The following STRN variants were observed in gnomAD, a reference collection of about 807,000 sequenced individuals.
STRN encodes protein phosphatase 2 regulatory subunit B'''alpha.
In STRN, 53 loss-of-function variants were observed where a neutral mutation model predicts 96.3. The observed-to-expected ratio is 0.55, with a 90% CI of 0.44 to 0.69. The LOEUF (loss-of-function observed/expected upper bound fraction) is 0.69, where lower values mean the gene tolerates loss of function less well. Ranked by LOEUF, STRN falls within the 30% of genes least tolerant of loss-of-function variation. STRN has a pLI of 0.00. For missense variants in STRN, 987 were observed against 963.9 expected (o/e 1.02, Z -0.32); for synonymous variants, 428 against 355.9 (o/e 1.20, Z -2.28).
Position 36,839,083 on chromosome 2 carries a change from G to T in STRN, c.*10373C>A, listed in dbSNP as rs1667886010. On this transcript the variant is annotated 3_prime_UTR_variant, in exon 18 of 18. Coordinates refer to ENST00000263918, the MANE Select transcript of STRN (RefSeq NM_003162.4). ...GTATACACATTTGTATGAATAATTAGAAAGATACATATCAGGGAGGTAGGA... is the reference window on the plus strand; with the variant it reads ...GTATACACATTTGTATGAATAATTATAAAGATACATATCAGGGAGGTAGGA... 6.6e-6 allele frequency among the ~76,000 whole-genome samples: 1 copy of T among 152,172 alleles called. No homozygotes were observed. Among genetic ancestry groups the T allele is most frequent in the African/African-American group, 2.4e-5 (1 of 41,442 alleles).
At chr2:36,875,252 G>A (rs973924612) in intron 10 of STRN, among the ~76,000 whole-genome samples, 1 of 152,126 alleles carries the variant, frequency 6.6e-6, no homozygotes, top group Admixed American at 6.6e-5. Flanking sequence ...GCTCATGCCT[G>A]TAATCCCAGC....
intron 3 of STRN, among the ~76,000 whole-genome samples, chr2:36,913,323 T>C (rs1416112940): frequency 6.6e-6 from 1 of 152,192 alleles, no homozygotes; most frequent in East Asian, 1.9e-4. Context: ...TCTGGAAACA[T>C]TCCTTCCCTC....
At chr2:36,947,489 C>T (rs891541930) in intron 1 of STRN, among the ~76,000 whole-genome samples, 7 of 150,484 alleles carry the variant, frequency 4.7e-5, no homozygotes, top group Admixed American at 6.6e-5. Flanking sequence ...CAAATTCCTA[C>T]CTTTATTACA....
At chr2:36,947,623 G>T (rs975115635) in intron 1 of STRN, among the ~76,000 whole-genome samples, 21 of 149,366 alleles carry the variant, frequency 1.4e-4, no homozygotes, top group African/African-American at 4.9e-4. Context: ...ATTCAATGTA[G>T]AACTGTGTTC....
At chr2:36,883,190 C>CA (rs1376117160) in intron 9 of STRN, among the ~76,000 whole-genome samples, 1 of 152,182 alleles carries the variant, frequency 6.6e-6, no homozygotes, top group African/African-American at 2.4e-5. Flanking sequence ...CATGGTGGCT[C>CA]ATGCCTGTAA....
intron 1 of STRN, among the ~76,000 whole-genome samples, chr2:36,947,487 T>C (rs1664608342): frequency 6.6e-6 from 1 of 150,728 alleles, no homozygotes; most frequent in South Asian, 2.1e-4. Flanking sequence ...TACAAATTCC[T>C]ACCTTTATTA....
chr2:36,841,028 G>C lies in STRN; in HGVS notation c.*8428C>G, dbSNP rs1025452651. The C allele has an allele frequency of 7.2e-5, 11 of 152,112 alleles. No individual in the cohort carries two copies. The highest frequency in any genetic ancestry group is 6.2e-4 in the South Asian group (3 of 4,828). The allele number at this position is 152,112 out of a possible 1,614,324, so 9.4% of individuals were successfully genotyped here. A position where few individuals can be genotyped will look rare whatever the true frequency, so the allele number is the denominator to read the frequency against. ...CACCTCAAGGGCACAAAATTGCCTG[G>C]AACTACAACCTTCAAGTTCAAAATT... On this transcript the variant is annotated 3_prime_UTR_variant, in exon 18 of 18. Coordinates refer to ENST00000263918, the MANE Select transcript of STRN (RefSeq NM_003162.4).
At chr2:36,856,198 T>C (rs909450358) in intron 14 of STRN, among the ~76,000 whole-genome samples, 1 of 152,266 alleles carries the variant, frequency 6.6e-6, no homozygotes, top group Non-Finnish European at 1.5e-5. Flanking sequence ...GCAACTGGAA[T>C]GCTCATACAC....
chr2:36,862,011 G>A (rs1046087948), intron 12 of STRN, among the ~76,000 whole-genome samples: 1 of 152,226 alleles, frequency 6.6e-6, no homozygotes, highest in South Asian at 2.1e-4. Context: ...ACTTATAAGT[G>A]AGAACATGCA....
chr2:36,912,992 T>C (rs1403819785), intron 3 of STRN, among the ~76,000 whole-genome samples: 3 of 152,210 alleles, frequency 2.0e-5, no homozygotes, highest in African/African-American at 4.8e-5. Context: ...CAGCATAAAA[T>C]CAAATTTATG....
chr2:36,925,233 A>C (rs759194354), intron 1 of STRN, 25 bp from the exon 2 acceptor site: 6 of 1,591,410 alleles, frequency 3.8e-6, no homozygotes, highest in Non-Finnish European at 5.2e-6. Flanking sequence ...GACAGAAAAA[A>C]TTCAGTTTAG....
rs1668213511 is a variant in STRN, at chr2:36,851,218, C to T, written c.1979-111G>A. 3 of 867,884 alleles carry T rather than the reference C, an allele frequency of 3.5e-6. No individual in the cohort carries two copies. The Admixed American group carries it at 7.6e-5, about 22-fold the overall frequency. The allele number at this position is 867,884 out of a possible 1,614,324, so 53.8% of individuals were successfully genotyped here. On this transcript the variant is annotated intron_variant, in intron 15 of 17. Coordinates refer to ENST00000263918, the MANE Select transcript of STRN (RefSeq NM_003162.4). ...TGAAAAAGTAGGCCGGCCGCGGTGG[C>T]TCACGCCTGTAATCCAAGCACGTTG...
intron 1 of STRN, among the ~76,000 whole-genome samples, chr2:36,963,767 G>A (rs1665085926): frequency 6.6e-6 from 1 of 151,998 alleles, no homozygotes; most frequent in South Asian, 2.1e-4. Context: ...GACCAACCTG[G>A]CCAACATTGT....
At chr2:36,872,260 C>A (rs1668780622) in intron 10 of STRN, among the ~76,000 whole-genome samples, 1 of 152,358 alleles carries the variant, frequency 6.6e-6, no homozygotes, top group Middle Eastern at 3.4e-3. Context: ...TGCACTCACA[C>A]TGGGGGGAGC....
In STRN at chr2:36,843,685, C is replaced by T. The variant is rs181224351; in HGVS notation, c.*5771G>A. On this transcript the variant is annotated 3_prime_UTR_variant, in exon 18 of 18. Transcript: ENST00000263918. ...TATTTCTCTGCACCCCTCTACAACTCCTCCCCCAAAAGCCCCAAATCAGAC... is the reference window on the plus strand; with the variant it reads ...TATTTCTCTGCACCCCTCTACAACTTCTCCCCCAAAAGCCCCAAATCAGAC... The T allele has an allele frequency of 6.6e-6, 1 of 152,192 alleles. No homozygotes were observed. The highest frequency in any genetic ancestry group is 6.6e-5 in the Admixed American group (1 of 15,262). The allele number at this position is 152,192 out of a possible 1,614,324, so 9.4% of individuals were successfully genotyped here.
intron 2 of STRN, among the ~76,000 whole-genome samples, chr2:36,920,040 A>C (rs1476716120): frequency 2.0e-5 from 3 of 151,778 alleles, no homozygotes; most frequent in Middle Eastern, 3.2e-3. Context: ...TGCAAAGAAA[A>C]TCATGTAAAA....
At chr2:36,936,391 A>G (rs2148246847) in intron 1 of STRN, among the ~76,000 whole-genome samples, 1 of 152,370 alleles carries the variant, frequency 6.6e-6, no homozygotes, top group East Asian at 1.9e-4. Context: ...TAAATGGTGC[A>G]TAATTTTAAT....
intron 1 of STRN, 37 bp downstream of exon 1, chr2:36,966,193 G>C (rs1299311829): frequency 3.3e-6 from 5 of 1,506,326 alleles, no homozygotes; most frequent in Non-Finnish European, 4.4e-6. Flanking sequence ...GGAGCAAAGA[G>C]GCGGGATGAA....
chr2:36,955,378 G>C lies in STRN; in HGVS notation c.234+10852C>G, dbSNP rs1278246103. On this transcript the variant is annotated intron_variant, in intron 1 of 17. Transcript: ENST00000263918. ...TAGTCTAATGAAGAAAGAAAATCGA[G>C]AGGGAGGAGGGCAGTGCACATGTGT... is the stretch of plus-strand genomic sequence containing the variant. Among the ~76,000 whole-genome samples, 3 of 152,358 alleles carry C rather than the reference G, an allele frequency of 2.0e-5. No individual in the cohort carries two copies. The South Asian group carries it at 6.2e-4, about 32-fold the overall frequency.
Sources: gnomAD v4.1 joint callset for allele counts (sites outside exome capture counted in the v4.1 genomes callset) on GRCh38, gnomAD v4.1.1 for gene constraint, MANE v1.5 for transcripts, NCBI Gene and HGNC (gene_info 2026-07-23, HGNC 2026-07-21) for gene names.